Variants in MMACHC observed in about 807,000 individuals in gnomAD.
MMACHC encodes cyanocobalamin reductase / alkylcobalamin dealkylase.
Under a neutral mutation model 17.6 loss-of-function variants are expected in MMACHC, and 14 were observed. That is an observed-to-expected ratio of 0.80 (90% confidence interval 0.53 to 1.25). MMACHC has a LOEUF of 1.25. Among genes scored for constraint, MMACHC ranks in the 50% most tolerant of loss-of-function variants. MMACHC has a pLI of 0.00. For missense variants in MMACHC, 392 were observed against 364.5 expected (o/e 1.08, Z -0.62); for synonymous variants, 151 against 142.1 (o/e 1.06, Z -0.45).
At position 45,511,174 on chromosome 1, in the gene MMACHC, G is replaced by T; in HGVS notation, c.*1959G>T. ...ATTCCTACCAAAGGAAGAAAGGCTG[G>T]TCTCTCCACCCCCTGTAGGAAAGGC... On this transcript the variant is annotated 3_prime_UTR_variant, in exon 4 of 4. Transcript: ENST00000401061. 1.6e-6 allele frequency: 1 copy of T among 627,184 alleles called. No homozygotes were observed. The highest frequency in any genetic ancestry group is 2.7e-6 in the Non-Finnish European group (1 of 366,278). The allele number at this position is 627,184 out of a possible 1,614,324, so 38.9% of individuals were successfully genotyped here. A position where few individuals can be genotyped will look rare whatever the true frequency, so the allele number is the denominator to read the frequency against.
rs1273731641 is a variant in MMACHC, at chr1:45,507,561, C to G, written c.276+11C>G. On this transcript the variant is annotated intron_variant, in intron 2 of 3. Coordinates refer to ENST00000401061, the MANE Select transcript of MMACHC (RefSeq NM_015506.3). The stretch of plus-strand genomic sequence containing the variant: ...GGCCGTGTTAGAGAGGTGAGGAAGG[C>G]TCAGTTTTCCCCCAGCTCCCAAACC... 1.2e-6 allele frequency: 2 copies of G among 1,613,952 alleles called. No homozygotes were observed. Among genetic ancestry groups the G allele is most frequent in the Non-Finnish European group, 1.7e-6 (2 of 1,179,988 alleles).
At chr1:45,508,392 G>A in intron 3 of MMACHC, 28 bp downstream of exon 3, 7 of 1,613,392 alleles carry the variant, frequency 4.3e-6, no homozygotes, top group East Asian at 2.2e-5. Context: ...AATAGAGGCT[G>A]AGATAGACTG....
chr1:45,507,275 G>T, intron 1 of MMACHC, 81 bp from the exon 2 acceptor site: 3 of 1,360,114 alleles, frequency 2.2e-6, no homozygotes, highest in South Asian at 2.4e-5. Context: ...GGGCAAAAGT[G>T]TGAGGCCTGA....
At position 45,511,631 on chromosome 1, in the gene MMACHC, C is replaced by A. The variant is rs1001973766; in HGVS notation, c.*2416C>A. Reference sequence around the variant, plus strand: ...AAGATACTATCATGCCTAATTTATTCATGTAGCACTTGAAATTTAAATTTT... The same window carrying A: ...AAGATACTATCATGCCTAATTTATTAATGTAGCACTTGAAATTTAAATTTT... On this transcript the variant is annotated 3_prime_UTR_variant, in exon 4 of 4. Coordinates refer to ENST00000401061, the MANE Select transcript of MMACHC (RefSeq NM_015506.3). The A allele has an allele frequency of 1.5e-5, 6 of 388,236 alleles. No individual in the cohort carries two copies. The highest frequency in any genetic ancestry group is 2.7e-5 in the Non-Finnish European group (6 of 218,190). 24.0% of individuals were successfully genotyped at this position (388,236 alleles called of 1,614,324 possible). A position where few individuals can be genotyped will look rare whatever the true frequency, so the allele number is the denominator to read the frequency against.
Position 45,509,370 on chromosome 1 carries a change from C to T in MMACHC, c.*155C>T. 3 of 831,842 alleles carry T rather than the reference C, an allele frequency of 3.6e-6. No homozygotes were observed. The South Asian group carries it at 5.4e-5, about 15-fold the overall frequency. The allele number at this position is 831,842 out of a possible 1,614,324, so 51.5% of individuals were successfully genotyped here. On this transcript the variant is annotated 3_prime_UTR_variant, in exon 4 of 4. Coordinates refer to ENST00000401061, the MANE Select transcript of MMACHC (RefSeq NM_015506.3). ...AAGGCTCAAGGAAGTTAGGTTTGGC[C>T]AAGATAAAGGCCAGGGAACCAGAAT...
chr1:45,508,762 T>C, intron 3 of MMACHC, 34 bp from the exon 4 acceptor site: 2 of 1,603,980 alleles, frequency 1.2e-6, no homozygotes, highest in Non-Finnish European at 1.7e-6. Context: ...CAAGGGGACC[T>C]CCATGACCTT....
At chr1:45,505,831 G>C (rs1426313664) in intron 1 of MMACHC, among the ~76,000 whole-genome samples, 1 of 151,700 alleles carries the variant, frequency 6.6e-6, no homozygotes, top group Non-Finnish European at 1.5e-5. Context: ...GAACCCGGGA[G>C]GCGGAGGTTG....
At position 45,511,524 on chromosome 1, in the gene MMACHC, AC is replaced by A. The variant is rs1643745053; in HGVS notation, c.*2313del. The A allele has an allele frequency of 2.5e-6, 2 of 795,596 alleles. No individual in the cohort carries two copies. Among genetic ancestry groups the A allele is most frequent in the Non-Finnish European group, 4.1e-6 (2 of 492,648 alleles). 49.3% of individuals were successfully genotyped at this position (795,596 alleles called of 1,614,324 possible). A position where few individuals can be genotyped will look rare whatever the true frequency, so the allele number is the denominator to read the frequency against. ...TGAACACTCAGATACCAGGAAACCT[AC>A]CCCTGCAATCAGTCTTAGATCATTC... On this transcript the variant is annotated 3_prime_UTR_variant, in exon 4 of 4. Transcript: ENST00000401061.
chr1:45,505,136 A>AAG (rs977305192), intron 1 of MMACHC, among the ~76,000 whole-genome samples: 5 of 149,654 alleles, frequency 3.3e-5, no homozygotes, highest in African/African-American at 1.2e-4. Context: ...AAAAAAAAAA[A>AAG]AGGGCCGTTT....
At chr1:45,505,118 T>A (rs11590628) in intron 1 of MMACHC, among the ~76,000 whole-genome samples, 6,412 of 119,370 alleles carry the variant, frequency 0.054, 230 homozygotes, top group South Asian at 0.088. Flanking sequence ...TGTATACATT[T>A]AAAAAAAAAA....
Position 45,511,836 on chromosome 1 carries a change from C to T in MMACHC, c.*2621C>T, listed in dbSNP as rs1393953215. ...GTCTGCCTTCTCAGCATTCTTCTAA[C>T]TCTACCAAACTGGATAGCCTGAACC... On this transcript the variant is annotated 3_prime_UTR_variant, in exon 4 of 4. Transcript: ENST00000401061. 1 of 153,736 alleles carries T rather than the reference C, an allele frequency of 6.5e-6. No homozygotes were observed. Among genetic ancestry groups the T allele is most frequent in the Non-Finnish European group, 1.4e-5 (1 of 69,202 alleles). 9.5% of individuals were successfully genotyped at this position (153,736 alleles called of 1,614,324 possible).
chr1:45,501,469 G>T (rs548852389), intron 1 of MMACHC, among the ~76,000 whole-genome samples: 2 of 152,070 alleles, frequency 1.3e-5, no homozygotes, highest in Non-Finnish European at 2.9e-5. Flanking sequence ...GACTGGTCTT[G>T]CCAGAAAAAA....
intron 1 of MMACHC, among the ~76,000 whole-genome samples, chr1:45,501,892 C>T (rs2149321634): frequency 6.6e-6 from 1 of 152,182 alleles, no homozygotes; most frequent in African/African-American, 2.4e-5. Flanking sequence ...TCTACTGAAT[C>T]TCCCAAATCC....
rs376969139 is a variant in MMACHC, at chr1:45,505,588, C to G, written c.82-1768C>G. 7.2e-4 allele frequency among the ~76,000 whole-genome samples: 110 copies of G among 151,870 alleles called. No individual in the cohort carries two copies. In the East Asian group the frequency reaches 0.021, roughly 28 times the overall value. On this transcript the variant is annotated intron_variant, in intron 1 of 3. Coordinates refer to ENST00000401061, the MANE Select transcript of MMACHC (RefSeq NM_015506.3). The stretch of plus-strand genomic sequence containing the variant: ...GGATTGCAGGCATGAGCCACCGCGC[C>G]GAGCCTAAAAACAGTATTTTAAGAA...
Position 45,509,299 on chromosome 1 carries a change from G to T in MMACHC, c.*84G>T, listed in dbSNP as rs553866522. The T allele has an allele frequency of 1.6e-4, 232 of 1,482,368 alleles. 1 individual carries two copies. The South Asian group carries it at 1.8e-3, about 11-fold the overall frequency. 91.8% of individuals were successfully genotyped at this position (1,482,368 alleles called of 1,614,324 possible). A position where few individuals can be genotyped will look rare whatever the true frequency, so the allele number is the denominator to read the frequency against. On this transcript the variant is annotated 3_prime_UTR_variant, in exon 4 of 4. Transcript: ENST00000401061. ...GCAAAGCAAAAGGTTTTGAGTACAA[G>T]ATTACTATTTTTGATAATATAGTAG...
rs777251123 is a variant in MMACHC at position 45,500,415 on chromosome 1, T to G, written c.81+2T>G. On this transcript the variant is annotated splice_donor_variant, in intron 1 of 3. Transcript: ENST00000401061. LOFTEE classifies it high-confidence loss of function. ...GGCTTCGAGGTTTACCCCTTCCAGG[T>G]TAGTTTATCCCTCCTGCTGTTCTAG... The G allele has an allele frequency of 6.2e-7, 1 of 1,614,092 alleles. No individual in the cohort carries two copies. The highest frequency in any genetic ancestry group is 2.2e-5 in the East Asian group (1 of 44,878).
rs1570833340 is a variant in MMACHC, at chr1:45,508,957, T to C, written c.591T>C (p.Asn197=). The change falls in exon 4 of 4, where the codon AAT becomes AAC. Residue 197 remains asparagine, a synonymous_variant. Coordinates refer to ENST00000401061, the MANE Select transcript of MMACHC (RefSeq NM_015506.3). Reference sequence around the variant, plus strand: ...GTATCGCCCTACTCGAAGGCTTCAATTTCCACTGGCGTGATTGGACTTACC... The same window carrying C: ...GTATCGCCCTACTCGAAGGCTTCAACTTCCACTGGCGTGATTGGACTTACC... ...ADRIALLEGF[N]FHWRDWTYRD... is the part of the protein sequence containing the mutation. The C allele has an allele frequency of 1.2e-5, 19 of 1,614,152 alleles. No individual in the cohort carries two copies. Among genetic ancestry groups the C allele is most frequent in the Non-Finnish European group, 1.5e-5 (18 of 1,180,006 alleles).
chr1:45,508,725 T>C lies in MMACHC; in HGVS notation c.430-71T>C. 2.0e-6 allele frequency: 3 copies of C among 1,534,338 alleles called. No individual in the cohort carries two copies. The South Asian group carries it at 3.7e-5, about 19-fold the overall frequency. On this transcript the variant is annotated intron_variant, in intron 3 of 3. Transcript: ENST00000401061. ...TGAGTGGGAAGTGAACAGGCCTAGC[T>C]TGCAATGATGGCAGTTGACTTGGTG...
intron 3 of MMACHC, among the ~76,000 whole-genome samples, 172 bp from the exon 4 acceptor site, chr1:45,508,624 C>G (rs775888690): frequency 6.6e-6 from 1 of 152,196 alleles, no homozygotes; most frequent in Non-Finnish European, 1.5e-5. Context: ...GGAAGCCCAG[C>G]CCTTCCCTGT....
Sources: gnomAD v4.1 joint callset for allele counts (sites outside exome capture counted in the v4.1 genomes callset) on GRCh38, gnomAD v4.1.1 for gene constraint, MANE v1.5 for transcripts, NCBI Gene and HGNC (gene_info 2026-07-23, HGNC 2026-07-21) for gene names.